The following PRELID2 variants were observed in gnomAD, a reference collection of about 807,000 sequenced individuals.
The protein encoded by PRELID2 is PRELI domain containing 2.
PRELID2 carries 25 observed loss-of-function variants against 28.4 expected under a neutral mutation model. The ratio of observed to expected loss-of-function variants is 0.88; its 90% CI spans 0.64 to 1.23. The LOEUF (loss-of-function observed/expected upper bound fraction) is 1.23. PRELID2 is among the 50% of genes most tolerant of loss of function. The pLI, the probability that PRELID2 is intolerant of heterozygous loss-of-function variation, is 0.00. For synonymous variants in PRELID2, 76 were observed against 71.6 expected, an observed-to-expected ratio of 1.06 and a Z score of -0.31; for missense variants, 201 against 214.4, an observed-to-expected ratio of 0.94 and a Z score of 0.39.
chr5:145,438,478 A>G, the PRELID2 span, among the ~76,000 whole-genome samples: 1 of 151,912 alleles, frequency 6.6e-6, no homozygotes, highest in Admixed American at 6.6e-5. Context: ...AAATAAACCA[A>G]CCTTGAATAA....
At chr5:145,364,001 G>A in the PRELID2 span, among the ~76,000 whole-genome samples, 4 of 151,832 alleles carry the variant, frequency 2.6e-5, no homozygotes, top group Admixed American at 6.6e-5. Flanking sequence ...ATTATTCTTG[G>A]CTGCATAAAA....
At chr5:145,307,672 A>AGCCCACCAGTTTG in the PRELID2 span, among the ~76,000 whole-genome samples, 1 of 152,104 alleles carries the variant, frequency 6.6e-6, no homozygotes, top group African/African-American at 2.4e-5. Context: ...TTCAGCATGG[A>AGCCCACCAGTTTG]GCCCACCAGT....
At chr5:145,674,934 C>CA (rs968545930) in intron 1 of PRELID2, among the ~76,000 whole-genome samples, 159 of 135,182 alleles carry the variant, frequency 1.2e-3, no homozygotes, top group East Asian at 2.1e-3. Flanking sequence ...GATTCAGTAT[C>CA]AAAAAAAAAA....
In PRELID2 at chr5:145,821,049, T is replaced by G. The variant is rs370084723; in HGVS notation, c.134-1031A>C. ...ATCAGTTTCAGGTATTTTCTATCTA[T>G]TAGAAGCGTGCCTTTGCCTGGTGCC... On this transcript the variant is annotated intron_variant, in intron 2 of 6. Transcript: ENST00000683046. Among the ~76,000 whole-genome samples the G allele has an allele frequency of 3.4e-4, 52 of 152,152 alleles. 1 individual carries two copies. The South Asian group carries it at 1.0e-2, about 29-fold the overall frequency.
At chr5:145,678,031 T>A (rs911332896) in intron 1 of PRELID2, among the ~76,000 whole-genome samples, 3 of 152,224 alleles carry the variant, frequency 2.0e-5, no homozygotes, top group African/African-American at 7.2e-5. Context: ...GAGGGCAATG[T>A]CTGTAGAAGT....
chr5:145,459,138 G>C, the PRELID2 span, among the ~76,000 whole-genome samples: 187 of 152,254 alleles, frequency 1.2e-3, 2 homozygotes, highest in Non-Finnish European at 1.2e-3. Context: ...AAGAAAAATA[G>C]GAACAAGGAC....
intron 5 of PRELID2, among the ~76,000 whole-genome samples, chr5:145,774,857 C>G (rs143592189): frequency 1.9e-3 from 294 of 152,290 alleles, no homozygotes; most frequent in African/African-American, 6.6e-3. Flanking sequence ...ATGCCTTCAC[C>G]CTCTCACATC....
chr5:145,779,831 G>A (rs1758673562), intron 5 of PRELID2, among the ~76,000 whole-genome samples: 1 of 151,962 alleles, frequency 6.6e-6, no homozygotes, highest in African/African-American at 2.4e-5. Flanking sequence ...AATCCACATT[G>A]GGTTGATTCC....
chr5:145,471,865 G>T (rs1291360673), exon 3 of PRELID2: 4 of 152,124 alleles, frequency 2.6e-5, no homozygotes, highest in Non-Finnish European at 5.9e-5. Context: ...GAATTGCTGG[G>T]AGAGCTGGAG....
chr5:145,314,394 T>C, the PRELID2 span, among the ~76,000 whole-genome samples: 1 of 152,158 alleles, frequency 6.6e-6, no homozygotes, highest in Admixed American at 6.5e-5. Flanking sequence ...CTATTTTACA[T>C]GAGGGGAAAA....
the PRELID2 span, among the ~76,000 whole-genome samples, chr5:145,259,058 GC>G: frequency 6.6e-6 from 1 of 152,156 alleles, no homozygotes; most frequent in Non-Finnish European, 1.5e-5. Flanking sequence ...CAAGACATAA[GC>G]CTTGGCAGCT....
At chr5:145,547,741 T>G (rs1752800162) in intron 1 of PRELID2, among the ~76,000 whole-genome samples, 1 of 152,170 alleles carries the variant, frequency 6.6e-6, no homozygotes, top group Admixed American at 6.5e-5. Flanking sequence ...CTGCTCAGTC[T>G]TTTCCCTTTG....
chr5:145,489,107 C>A (rs1752246203), intron 1 of PRELID2, among the ~76,000 whole-genome samples: 2 of 152,182 alleles, frequency 1.3e-5, no homozygotes, highest in African/African-American at 4.8e-5. Context: ...GTGATGGCAT[C>A]ATTCCCCCAG....
chr5:145,251,287 A>G, the PRELID2 span, among the ~76,000 whole-genome samples: 2 of 152,112 alleles, frequency 1.3e-5, no homozygotes, highest in Non-Finnish European at 2.9e-5. Context: ...TTATTTTCCC[A>G]CTTGTGACCT....
At chr5:145,822,124 T>C (rs534159709) in intron 2 of PRELID2, among the ~76,000 whole-genome samples, 2 of 152,306 alleles carry the variant, frequency 1.3e-5, no homozygotes, top group African/African-American at 4.8e-5. Flanking sequence ...ATCTCATGAT[T>C]CCTAAGAAGG....
chr5:145,337,686 AATATATATATATATAT>A, the PRELID2 span, among the ~76,000 whole-genome samples: 7,443 of 79,878 alleles, frequency 0.093, 482 homozygotes, highest in African/African-American at 0.18. Flanking sequence ...GCATAGGGCA[AATATATATATATATAT>A]ATATATATAT....
rs188363191 is a variant in PRELID2, at chr5:145,540,421, G to T, written n.71-67106C>A. Among the ~76,000 whole-genome samples the T allele has an allele frequency of 4.8e-3, 730 of 151,950 alleles. 10 individuals are homozygous for T. Among genetic ancestry groups the T allele is most frequent in the Non-Finnish European group, 4.9e-3 (333 of 67,924 alleles). On this transcript the variant is annotated intron_variant and non_coding_transcript_variant, in intron 1 of 2. Coordinates refer to the PRELID2 transcript ENST00000510259. ...ATATCTGCTCACAGCAGTTTCTTGT[G>T]GTACTATCCATAAAGGAACAACTAA...
chr5:145,367,079 G>A, the PRELID2 span, among the ~76,000 whole-genome samples: 2 of 151,732 alleles, frequency 1.3e-5, no homozygotes, highest in South Asian at 4.1e-4. Context: ...TTACCTCAAA[G>A]CTTTCCTCTA....
the PRELID2 span, among the ~76,000 whole-genome samples, chr5:145,381,142 G>A: frequency 6.6e-6 from 1 of 152,130 alleles, no homozygotes; most frequent in Non-Finnish European, 1.5e-5. Flanking sequence ...ATTAAACACA[G>A]ACAAAGTTAA....
Sources: gnomAD v4.1 joint callset for allele counts (sites outside exome capture counted in the v4.1 genomes callset) on GRCh38, gnomAD v4.1.1 for gene constraint, MANE v1.5 for transcripts, NCBI Gene and HGNC (gene_info 2026-07-23, HGNC 2026-07-21) for gene names.